The following NR6A1 variants were observed in gnomAD, a reference collection of about 807,000 sequenced individuals.
NR6A1 encodes nuclear receptor subfamily 6 group A member 1.
Under a neutral mutation model 59.1 loss-of-function variants are expected in NR6A1, and 7 were observed. The observed-to-expected ratio is 0.12, with a 90% CI of 0.07 to 0.22. The LOEUF (loss-of-function observed/expected upper bound fraction) is 0.22, where lower values mean the gene tolerates loss of function less well. NR6A1 is among the 10% of genes least tolerant of loss of function. The probability of loss-of-function intolerance (pLI) is 1.00; values close to 1 mark genes in which losing one functional copy is unlikely to be tolerated. For synonymous variants in NR6A1, 243 were observed against 236.1 expected (o/e 1.03, Z -0.27); for missense variants, 468 against 611.6 (o/e 0.77, Z 2.48).
chr9:124,769,252 TAA>T (rs11324073), intron 1 of NR6A1, among the ~76,000 whole-genome samples: 1,949 of 141,886 alleles, frequency 0.014, 26 homozygotes, highest in African/African-American at 0.033. Flanking sequence ...ATACACAAAT[TAA>T]AAAAAAAAAA....
chr9:124,629,756 T>C (rs1414796938), intron 2 of NR6A1, among the ~76,000 whole-genome samples: 1 of 152,240 alleles, frequency 6.6e-6, no homozygotes, highest in Non-Finnish European at 1.5e-5. Flanking sequence ...TAGGCACTAC[T>C]GTAGCTATAG....
At chr9:124,637,908 A>G (rs553452469) in intron 2 of NR6A1, among the ~76,000 whole-genome samples, 81 of 147,798 alleles carry the variant, frequency 5.5e-4, no homozygotes, top group East Asian at 1.9e-3. Context: ...AAAAAAAAAA[A>G]AAAAGAAAAA....
intron 2 of NR6A1, among the ~76,000 whole-genome samples, chr9:124,706,706 G>A (rs886492570): frequency 6.6e-6 from 1 of 151,904 alleles, no homozygotes; most frequent in African/African-American, 2.4e-5. Flanking sequence ...TTAGTGGAGA[G>A]GGGGTTTCAC....
intron 2 of NR6A1, among the ~76,000 whole-genome samples, chr9:124,732,080 T>C (rs1311505947): frequency 6.6e-6 from 1 of 152,186 alleles, no homozygotes; most frequent in Non-Finnish European, 1.5e-5. Context: ...TGAGAACTAT[T>C]TTGCCTAAAA....
At chr9:124,645,430 T>G (rs1226550944) in intron 2 of NR6A1, among the ~76,000 whole-genome samples, 2 of 152,000 alleles carry the variant, frequency 1.3e-5, no homozygotes, top group African/African-American at 4.8e-5. Context: ...ACATAAAGAA[T>G]AAAAATGAAG....
At chr9:124,646,216 A>G (rs192892859) in intron 2 of NR6A1, among the ~76,000 whole-genome samples, 1 of 152,242 alleles carries the variant, frequency 6.6e-6, no homozygotes, top group East Asian at 1.9e-4. Flanking sequence ...AATTAAACCC[A>G]AAGTAGGCAG....
At chr9:124,654,398 T>C (rs1837188810) in intron 2 of NR6A1, among the ~76,000 whole-genome samples, 1 of 152,144 alleles carries the variant, frequency 6.6e-6, no homozygotes, top group African/African-American at 2.4e-5. Context: ...TACTATAGCT[T>C]ACAAGGTCCT....
At chr9:124,531,541 T>C (rs1312936048) in intron 7 of NR6A1, among the ~76,000 whole-genome samples, 1 of 152,106 alleles carries the variant, frequency 6.6e-6, no homozygotes, top group African/African-American at 2.4e-5. Context: ...CTATGGCCAA[T>C]TACAGACTCC....
intron 2 of NR6A1, among the ~76,000 whole-genome samples, chr9:124,706,495 T>C (rs1839135936): frequency 6.6e-6 from 1 of 152,172 alleles, no homozygotes. Context: ...AAGAACAGTT[T>C]TGCTAGATAC....
At chr9:124,660,720 C>A (rs1837407911) in intron 2 of NR6A1, among the ~76,000 whole-genome samples, 1 of 151,182 alleles carries the variant, frequency 6.6e-6, no homozygotes, top group African/African-American at 2.4e-5. Flanking sequence ...TTTTAACCAC[C>A]TCCAATGTCA....
intron 2 of NR6A1, among the ~76,000 whole-genome samples, chr9:124,675,724 T>A (rs1837935716): frequency 6.6e-6 from 1 of 152,142 alleles, no homozygotes; most frequent in South Asian, 2.1e-4. Flanking sequence ...GAATCTTTGG[T>A]CATAAAAATA....
chr9:124,767,227 TA>T (rs1478657403), intron 1 of NR6A1, among the ~76,000 whole-genome samples: 2 of 152,226 alleles, frequency 1.3e-5, no homozygotes, highest in Non-Finnish European at 2.9e-5. Flanking sequence ...TACCAGCAGT[TA>T]TTTTTTTCAT....
chr9:124,543,448 A>T (rs1833506287), intron 4 of NR6A1, among the ~76,000 whole-genome samples: 1 of 152,202 alleles, frequency 6.6e-6, no homozygotes. Flanking sequence ...TATATTTTTT[A>T]GATGAAATGA....
intron 2 of NR6A1, among the ~76,000 whole-genome samples, chr9:124,715,549 A>G (rs1394822367): frequency 1.3e-5 from 2 of 152,090 alleles, no homozygotes; most frequent in Non-Finnish European, 2.9e-5. Context: ...AAAACAAAAT[A>G]AAATTTTAAA....
Position 124,668,004 on chromosome 9 carries a change from T to C in NR6A1, c.142+65304A>G, listed in dbSNP as rs574610039. 2.6e-5 allele frequency among the ~76,000 whole-genome samples: 4 copies of C among 152,212 alleles called. No individual in the cohort carries two copies. The South Asian group carries it at 8.3e-4, about 32-fold the overall frequency. ...CTTGATCCTTAAACATCACAAGGGGTTAGGGGGACCAACCTCCCATGCAGT... is the reference window on the plus strand; with the variant it reads ...CTTGATCCTTAAACATCACAAGGGGCTAGGGGGACCAACCTCCCATGCAGT... On this transcript the variant is annotated intron_variant, in intron 2 of 9. Transcript: ENST00000487099.
At chr9:124,536,928 A>G (rs1482036438) in intron 6 of NR6A1, among the ~76,000 whole-genome samples, 1 of 152,184 alleles carries the variant, frequency 6.6e-6, no homozygotes, top group Non-Finnish European at 1.5e-5. Flanking sequence ...GAGTTCAGGA[A>G]CCAGCATTGC....
intron 2 of NR6A1, among the ~76,000 whole-genome samples, chr9:124,565,257 T>C (rs1296525159): frequency 1.3e-5 from 2 of 152,020 alleles, no homozygotes; most frequent in South Asian, 2.1e-4. Context: ...TGAAACCCCA[T>C]CTCTACTAAC....
intron 1 of NR6A1, among the ~76,000 whole-genome samples, chr9:124,750,188 C>T (rs1185605740): frequency 6.6e-6 from 1 of 152,204 alleles, no homozygotes; most frequent in Non-Finnish European, 1.5e-5. Context: ...ATATTATTCA[C>T]TCTTCATCTT....
intron 2 of NR6A1, among the ~76,000 whole-genome samples, chr9:124,556,090 G>T (rs1224208745): frequency 6.6e-6 from 1 of 152,174 alleles, no homozygotes; most frequent in Non-Finnish European, 1.5e-5. Flanking sequence ...GCGACCCATA[G>T]ATATCAGGTC....
Sources: gnomAD v4.1 joint callset for allele counts (sites outside exome capture counted in the v4.1 genomes callset) on GRCh38, gnomAD v4.1.1 for gene constraint, MANE v1.5 for transcripts, NCBI Gene and HGNC (gene_info 2026-07-23, HGNC 2026-07-21) for gene names.